LCORL: variants seen among roughly 807,000 people sequenced by gnomAD.
LCORL encodes the protein ligand-dependent nuclear receptor corepressor-like protein.
Under a neutral mutation model 141.8 loss-of-function variants are expected in LCORL, and 41 were observed. That is an observed-to-expected ratio of 0.29 (90% CI 0.23 to 0.38). The LOEUF is 0.38. Ranked by LOEUF, LCORL falls within the 10% of genes least tolerant of loss-of-function variation. LCORL has a pLI of 1.00. For missense variants in LCORL, 1,759 were observed against 2,035.0 expected, an observed-to-expected ratio of 0.86 and a Z score of 2.61; for synonymous variants, 618 against 694.1, an observed-to-expected ratio of 0.89 and a Z score of 1.72.
At chr4:17,922,210 G>T (rs563359083) in intron 4 of LCORL, among the ~76,000 whole-genome samples, 4 of 152,250 alleles carry the variant, frequency 2.6e-5, no homozygotes, top group African/African-American at 4.8e-5. Context: ...TGGTTCTAGA[G>T]GAATAGAACT....
intron 7 of LCORL, among the ~76,000 whole-genome samples, chr4:17,858,476 G>A (rs1464510960): frequency 1.3e-5 from 2 of 151,926 alleles, no homozygotes; most frequent in Non-Finnish European, 2.9e-5. Context: ...TGTAATCCCA[G>A]CTCTTTGAGA....
At chr4:17,883,681 C>CAA in intron 6 of LCORL, 1 of 1,488,530 alleles carries the variant, frequency 6.7e-7, no homozygotes, top group Non-Finnish European at 8.9e-7. Flanking sequence ...CAAACACACA[C>CAA]ACACACACAC....
chr4:17,878,067 G>A, exon 7 of LCORL: 2 of 1,230,572 alleles, frequency 1.6e-6, no homozygotes, highest in Non-Finnish European at 2.0e-6. Context: ...GCAAAGAGAA[G>A]CAGCATTCTG....
intron 4 of LCORL, among the ~76,000 whole-genome samples, chr4:17,932,719 A>AG (rs773537780): frequency 2.0e-4 from 31 of 152,148 alleles, no homozygotes; most frequent in Admixed American, 4.6e-4. Flanking sequence ...ACCCATACTA[A>AG]TTCATTAATG....
chr4:17,988,973 G>C lies in LCORL; in HGVS notation c.155-16088C>G, dbSNP rs1032726208. Among the ~76,000 whole-genome samples the C allele has an allele frequency of 2.6e-5, 4 of 152,190 alleles. No homozygotes were observed. The South Asian group carries it at 6.2e-4, about 24-fold the overall frequency. On this transcript the variant is annotated intron_variant, in intron 1 of 7. Transcript: ENST00000635767. ...CACTCCAGCCTGGGGGACAGAGTGA[G>C]ACTCCATCTCAAAAATAAATGAATA...
chr4:17,979,546 T>C (rs1458209138), intron 1 of LCORL, among the ~76,000 whole-genome samples: 1 of 152,246 alleles, frequency 6.6e-6, no homozygotes, highest in Non-Finnish European at 1.5e-5. Context: ...ATATGAAATA[T>C]TTTAAAATCA....
At chr4:18,019,141 C>A (rs1008724350) in intron 1 of LCORL, among the ~76,000 whole-genome samples, 1 of 152,160 alleles carries the variant, frequency 6.6e-6, no homozygotes, top group Non-Finnish European at 1.5e-5. Context: ...GGATTCGAGA[C>A]CAGCCTGGCC....
At chr4:17,930,567 G>C (rs1173148157) in intron 4 of LCORL, among the ~76,000 whole-genome samples, 2 of 151,956 alleles carry the variant, frequency 1.3e-5, no homozygotes, top group African/African-American at 2.4e-5. Context: ...TTCATTTTTT[G>C]TTCCTCTTTA....
chr4:17,869,642 TACA>T (rs1426149392), intron 7 of LCORL, among the ~76,000 whole-genome samples: 1 of 152,186 alleles, frequency 6.6e-6, no homozygotes, highest in East Asian at 1.9e-4. Context: ...CTTTCAATCT[TACA>T]ATGAGTAATC....
chr4:17,912,254 G>C, intron 4 of LCORL: 1 of 717,968 alleles, frequency 1.4e-6, no homozygotes, highest in South Asian at 1.4e-5. Flanking sequence ...ATGGGCTCCT[G>C]CAAGGTCACT....
chr4:17,934,261 T>A (rs1316732340), intron 4 of LCORL, among the ~76,000 whole-genome samples: 1 of 152,096 alleles, frequency 6.6e-6, no homozygotes, highest in Non-Finnish European at 1.5e-5. Flanking sequence ...TCATCAAATG[T>A]AACAAATGAA....
intron 4 of LCORL, among the ~76,000 whole-genome samples, chr4:17,927,254 C>T (rs912730385): frequency 2.6e-5 from 4 of 152,160 alleles, no homozygotes; most frequent in South Asian, 2.1e-4. Flanking sequence ...CGGCCTCCAA[C>T]GAATTAAAGA....
chr4:17,865,628 TATAAC>T (rs1725550564), intron 7 of LCORL, among the ~76,000 whole-genome samples: 1 of 152,218 alleles, frequency 6.6e-6, no homozygotes, highest in South Asian at 2.1e-4. Flanking sequence ...AAGGGAAACT[TATAAC>T]ATTATGTTCA....
chr4:18,013,180 G>GT (rs11434451), intron 1 of LCORL, among the ~76,000 whole-genome samples: 37,019 of 151,802 alleles, frequency 0.24, 5,865 homozygotes, highest in African/African-American at 0.45. Context: ...CTTGGATTTG[G>GT]TAATACCACT....
At chr4:17,929,887 T>C (rs972619182) in intron 4 of LCORL, among the ~76,000 whole-genome samples, 4 of 152,184 alleles carry the variant, frequency 2.6e-5, no homozygotes, top group African/African-American at 9.6e-5. Context: ...CCACCATACA[T>C]GAAGAACTCC....
intron 6 of LCORL, chr4:17,883,759 T>A (rs552665335): frequency 6.5e-7 from 1 of 1,545,278 alleles, no homozygotes; most frequent in Non-Finnish European, 8.7e-7. Flanking sequence ...TGCCAGTCCC[T>A]GAATCTGTCA....
chr4:17,920,562 T>C (rs1482055171), intron 4 of LCORL, among the ~76,000 whole-genome samples: 1 of 152,220 alleles, frequency 6.6e-6, no homozygotes, highest in Non-Finnish European at 1.5e-5. Context: ...TGATTGATTC[T>C]GCTTTCAGGA....
intron 1 of LCORL, among the ~76,000 whole-genome samples, chr4:17,987,202 T>A (rs901810051): frequency 4.6e-5 from 7 of 152,216 alleles, no homozygotes; most frequent in African/African-American, 1.7e-4. Context: ...GGGTCTGTAT[T>A]TCTTGTCCAT....
intron 4 of LCORL, among the ~76,000 whole-genome samples, chr4:17,946,170 C>T (rs567352071): frequency 6.6e-6 from 1 of 151,918 alleles, no homozygotes; most frequent in East Asian, 1.9e-4. Context: ...TAGAGCAAAA[C>T]GTTAAGATAT....
Sources: allele counts gnomAD v4.1 joint callset (sites outside exome capture counted in the v4.1 genomes callset), GRCh38; gene constraint gnomAD v4.1.1; transcripts MANE v1.5; gene names NCBI Gene and HGNC (gene_info 2026-07-23, HGNC 2026-07-21).